The following NAV2 variants were observed in gnomAD, a reference collection of about 807,000 sequenced individuals.
NAV2 encodes the protein helicase, APC down-regulated 1.
A neutral mutation model predicts 223.2 loss-of-function variants in NAV2; 54 were observed. That is an observed-to-expected ratio of 0.24 (90% CI 0.19 to 0.30). The LOEUF (loss-of-function observed/expected upper bound fraction) is 0.30, where lower values mean the gene tolerates loss of function less well. Among genes scored for constraint, NAV2 ranks in the 10% least tolerant of loss-of-function variants. The pLI is 1.00. For synonymous variants in NAV2, 1,279 were observed against 1,239.3 expected (o/e 1.03, Z -0.67); for missense variants, 2,806 against 3,147.5 (o/e 0.89, Z 2.60).
intron 1 of NAV2, among the ~76,000 whole-genome samples, chr11:19,668,294 T>A (rs918098317): frequency 2.0e-5 from 3 of 152,168 alleles, no homozygotes; most frequent in African/African-American, 7.2e-5. Flanking sequence ...TCTCAGCACT[T>A]TGAGAGGCCA....
intron 1 of NAV2, among the ~76,000 whole-genome samples, chr11:19,534,833 T>C (rs2044137416): frequency 6.6e-6 from 1 of 152,232 alleles, no homozygotes; most frequent in South Asian, 2.1e-4. Flanking sequence ...GTAGTTAAGA[T>C]GTAAGCTTTG....
intron 1 of NAV2, among the ~76,000 whole-genome samples, chr11:19,674,426 T>C (rs578043703): frequency 6.6e-6 from 1 of 152,308 alleles, no homozygotes; most frequent in East Asian, 1.9e-4. Flanking sequence ...CAATTTTTTT[T>C]CAATGGAAGG....
chr11:19,367,043 A>T (rs1848309998), intron 1 of NAV2, among the ~76,000 whole-genome samples: 1 of 152,198 alleles, frequency 6.6e-6, no homozygotes, highest in Non-Finnish European at 1.5e-5. Context: ...GCAGACAAGT[A>T]CACTGAGGCC....
At chr11:19,989,528 T>G (rs2051123897) in intron 11 of NAV2, among the ~76,000 whole-genome samples, 1 of 152,212 alleles carries the variant, frequency 6.6e-6, no homozygotes, top group South Asian at 2.1e-4. Flanking sequence ...TGTTTTTAGC[T>G]ACTAAGTTTA....
intron 1 of NAV2, among the ~76,000 whole-genome samples, chr11:19,579,598 C>A (rs1423228137): frequency 6.6e-6 from 1 of 152,184 alleles, no homozygotes; most frequent in Non-Finnish European, 1.5e-5. Flanking sequence ...TGCTTTCCTC[C>A]TCTGGAAGAT....
intron 1 of NAV2, among the ~76,000 whole-genome samples, chr11:19,394,506 G>A (rs1849373402): frequency 1.3e-5 from 2 of 152,252 alleles, no homozygotes; most frequent in Admixed American, 1.3e-4. Context: ...GGCACACAAT[G>A]GTCAATGTGA....
At chr11:19,889,854 G>C (rs1423916113) in intron 5 of NAV2, among the ~76,000 whole-genome samples, 2 of 152,222 alleles carry the variant, frequency 1.3e-5, no homozygotes, top group Admixed American at 1.3e-4. Flanking sequence ...GGGAGATGAT[G>C]AGCCCTGCTC....
rs574228360 is a variant in NAV2 at position 19,701,323 on chromosome 11, G to A, written c.76-131161G>A. Reference sequence around the variant, plus strand: ...GCCACGGTCATGGGAGGGGATTCTAGAAGACTGCCTTTGATAACTCAGCAG... The same window carrying A: ...GCCACGGTCATGGGAGGGGATTCTAAAAGACTGCCTTTGATAACTCAGCAG... On this transcript the variant is annotated intron_variant, in intron 1 of 37. Coordinates refer to the NAV2 transcript ENST00000360655. 1.4e-4 allele frequency among the ~76,000 whole-genome samples: 22 copies of A among 152,324 alleles called. 1 individual carries two copies. In the South Asian group the frequency reaches 4.3e-3, roughly 30 times the overall value.
chr11:19,750,599 A>AC (rs1671854607), intron 1 of NAV2, among the ~76,000 whole-genome samples: 1 of 152,182 alleles, frequency 6.6e-6, no homozygotes, highest in African/African-American at 2.4e-5. Flanking sequence ...CTTCCAGAGC[A>AC]TTCCCCAAAG....
At chr11:19,731,450 C>T (rs2051765008) in intron 1 of NAV2, among the ~76,000 whole-genome samples, 2 of 152,240 alleles carry the variant, frequency 1.3e-5, no homozygotes, top group South Asian at 2.1e-4. Context: ...CAGATGTAGG[C>T]TTTGCTCTCA....
chr11:19,647,906 C>T (rs2047862149), intron 1 of NAV2, among the ~76,000 whole-genome samples: 3 of 152,188 alleles, frequency 2.0e-5, no homozygotes, highest in African/African-American at 7.2e-5. Context: ...TTACATTAAT[C>T]CTCCCAACTG....
chr11:19,348,275 G>A (rs1414888389), upstream of NAV2, among the ~76,000 whole-genome samples: 2 of 152,204 alleles, frequency 1.3e-5, no homozygotes, highest in Non-Finnish European at 2.9e-5. Flanking sequence ...CAATGAGGCA[G>A]CCCCGATGGA....
chr11:19,359,783 A>G (rs1401380766), intron 1 of NAV2, among the ~76,000 whole-genome samples: 1 of 152,164 alleles, frequency 6.6e-6, no homozygotes, highest in Non-Finnish European at 1.5e-5. Flanking sequence ...AGGCTTCAGG[A>G]AATCAGGGGC....
intron 1 of NAV2, among the ~76,000 whole-genome samples, chr11:19,719,729 G>A (rs1287231285): frequency 2.0e-5 from 3 of 152,176 alleles, no homozygotes; most frequent in Admixed American, 6.5e-5. Context: ...GAAAGTGGAG[G>A]GCATAGCAGG....
At chr11:19,616,115 T>C (rs1315592012) in intron 1 of NAV2, among the ~76,000 whole-genome samples, 2 of 152,098 alleles carry the variant, frequency 1.3e-5, no homozygotes, top group Admixed American at 6.5e-5. Context: ...ACGGGGTTTT[T>C]TTTTTCTTTC....
In NAV2 at chr11:19,488,148, C is replaced by G. The variant is rs372399885; in HGVS notation, c.75+137121C>G. The stretch of plus-strand genomic sequence containing the variant: ...TGCCCCTCTTTCTCCCACAATTTCT[C>G]CATGTGTAAAATAAAGGGGTTGGGT... On this transcript the variant is annotated intron_variant, in intron 1 of 37. Coordinates refer to the NAV2 transcript ENST00000360655. Among the ~76,000 whole-genome samples the G allele has an allele frequency of 2.8e-3, 432 of 152,276 alleles. 27 individuals are homozygous for G. In the South Asian group the frequency reaches 0.087, roughly 31 times the overall value.
At chr11:19,471,494 A>G (rs1159345189) in intron 1 of NAV2, among the ~76,000 whole-genome samples, 1 of 152,192 alleles carries the variant, frequency 6.6e-6, no homozygotes, top group Non-Finnish European at 1.5e-5. Context: ...CTCTTCAGTA[A>G]GATTTCCTTC....
chr11:20,060,834 A>G (rs540349633), intron 19 of NAV2, among the ~76,000 whole-genome samples: 18 of 152,376 alleles, frequency 1.2e-4, no homozygotes, highest in African/African-American at 4.3e-4. Flanking sequence ...TGCAGAATTC[A>G]TAGTGTAACA....
chr11:19,886,323 G>C (rs920498119), intron 5 of NAV2, among the ~76,000 whole-genome samples: 6 of 152,166 alleles, frequency 3.9e-5, no homozygotes, highest in African/African-American at 9.7e-5. Context: ...GGGAGACCCA[G>C]GTCAGGCTCT....
Sources: allele counts gnomAD v4.1 joint callset (sites outside exome capture counted in the v4.1 genomes callset), GRCh38; gene constraint gnomAD v4.1.1; transcripts MANE v1.5; gene names NCBI Gene and HGNC (gene_info 2026-07-23, HGNC 2026-07-21).